CYP39A1: variants seen among roughly 807,000 people sequenced by gnomAD.
CYP39A1 encodes the protein cytochrome P450 family 39 subfamily A member 1, also known as 24-hydroxycholesterol 7-alpha-hydroxylase.
In CYP39A1, 49 loss-of-function variants were observed where a neutral mutation model predicts 58.1. The ratio of observed to expected loss-of-function variants is 0.84; its 90% CI spans 0.67 to 1.07. The LOEUF (loss-of-function observed/expected upper bound fraction) is 1.07, where lower values mean the gene tolerates loss of function less well. CYP39A1 is among the 50% of genes least tolerant of loss of function. CYP39A1 has a pLI of 0.00. For synonymous variants in CYP39A1, 209 were observed against 187.6 expected, an observed-to-expected ratio of 1.11 and a Z score of -0.93; for missense variants, 531 against 539.4, an observed-to-expected ratio of 0.98 and a Z score of 0.16.
At position 46,650,484 on chromosome 6, in the gene CYP39A1, CTTTTTTTTTTTTTTTTTTTTTT is replaced by C. The variant is rs567314746; in HGVS notation, c.177+1900_177+1921del. On this transcript the variant is annotated intron_variant, in intron 1 of 11. Coordinates refer to ENST00000275016, the MANE Select transcript of CYP39A1 (RefSeq NM_016593.5). The stretch of plus-strand genomic sequence containing the variant: ...AAACATCAAATAATGCAGTCATATT[CTTTTTTTTTTTTTTTTTTTTTT>C]TTTTTTTTTTTTTAAGAGACAAGGT... Among the ~76,000 whole-genome samples, 18 of 35,174 alleles carry C rather than the reference CTTTTTTTTTTTTTTTTTTTTTT, an allele frequency of 5.1e-4. 2 individuals are homozygous for C. In the Admixed American group the frequency reaches 5.7e-3, roughly 11 times the overall value. The allele number at this position is 35,174 out of a possible 152,430, so 23.1% of individuals were successfully genotyped here.
intron 7 of CYP39A1, among the ~76,000 whole-genome samples, chr6:46,624,055 A>T (rs190222043): frequency 1.8e-4 from 27 of 152,316 alleles, no homozygotes; most frequent in African/African-American, 6.5e-4. Flanking sequence ...AAAGGTTTTA[A>T]TCTTTCTCCA....
At chr6:46,608,951 G>A (rs1774025400) in intron 7 of CYP39A1, among the ~76,000 whole-genome samples, 1 of 151,996 alleles carries the variant, frequency 6.6e-6, no homozygotes, top group Non-Finnish European at 1.5e-5. Flanking sequence ...TAGATAGCGA[G>A]AATGGGCTGG....
chr6:46,560,732 T>A (rs1196480824), intron 10 of CYP39A1, among the ~76,000 whole-genome samples: 1 of 152,064 alleles, frequency 6.6e-6, no homozygotes, highest in African/African-American at 2.4e-5. Context: ...TTTAAAGCCA[T>A]GGGGCAGTAT....
At chr6:46,629,141 C>G (rs985685565) in intron 6 of CYP39A1, among the ~76,000 whole-genome samples, 3 of 152,106 alleles carry the variant, frequency 2.0e-5, no homozygotes, top group African/African-American at 7.2e-5. Context: ...CTTGGAGGTG[C>G]CAACAAGAGC....
intron 7 of CYP39A1, among the ~76,000 whole-genome samples, chr6:46,602,335 C>G (rs974330685): frequency 1.3e-5 from 2 of 152,112 alleles, no homozygotes; most frequent in African/African-American, 4.8e-5. Flanking sequence ...CTGATATATA[C>G]TAGAGAAGTG....
At chr6:46,591,955 AAT>A (rs1554159084) in intron 8 of CYP39A1, among the ~76,000 whole-genome samples, 2 of 152,182 alleles carry the variant, frequency 1.3e-5, no homozygotes, top group Non-Finnish European at 2.9e-5. Flanking sequence ...TTTAAAGGAT[AAT>A]TAATATTTCT....
Position 46,587,172 on chromosome 6 carries a change from G to A in CYP39A1, c.1162-7C>T. 2 of 1,586,274 alleles carry A rather than the reference G, an allele frequency of 1.3e-6. No individual in the cohort carries two copies. Among genetic ancestry groups the A allele is most frequent in the Non-Finnish European group, 1.7e-6 (2 of 1,158,786 alleles). ...TTGCCTTTTTCCAACGTTCCTGTGG[G>A]AAGAAAACATTTTTTTTTCCAAATC... On this transcript the variant is annotated splice_polypyrimidine_tract_variant and splice_region_variant and intron_variant, in intron 9 of 11. Coordinates refer to ENST00000275016, the MANE Select transcript of CYP39A1 (RefSeq NM_016593.5).
intron 7 of CYP39A1, among the ~76,000 whole-genome samples, chr6:46,608,679 A>G (rs1482782516): frequency 6.6e-6 from 1 of 152,028 alleles, no homozygotes; most frequent in Non-Finnish European, 1.5e-5. Flanking sequence ...CAGTGGCACA[A>G]TCTCGGCTGA....
At chr6:46,630,215 C>T (rs938805745) in intron 6 of CYP39A1, among the ~76,000 whole-genome samples, 4 of 152,080 alleles carry the variant, frequency 2.6e-5, no homozygotes, top group East Asian at 1.9e-4. Flanking sequence ...ACCATTCATG[C>T]GGAAGCTTGT....
chr6:46,628,658 G>A (rs540739324), intron 6 of CYP39A1, among the ~76,000 whole-genome samples: 1 of 152,268 alleles, frequency 6.6e-6, no homozygotes, highest in South Asian at 2.1e-4. Context: ...GGAGAGAGGA[G>A]ATATAGATAT....
chr6:46,627,344 A>G lies in CYP39A1; in HGVS notation c.841-1836T>C, dbSNP rs148648199. 2.3e-3 allele frequency among the ~76,000 whole-genome samples: 348 copies of G among 152,354 alleles called. 2 individuals carry two copies. The highest frequency in any genetic ancestry group is 7.8e-3 in the African/African-American group (323 of 41,596). On this transcript the variant is annotated intron_variant, in intron 6 of 11. Coordinates refer to ENST00000275016, the MANE Select transcript of CYP39A1 (RefSeq NM_016593.5). ...CTAAATATAGCTTTAGAGATTCAAT[A>G]AAATTGGATACTACTTTTTAAATGA... is the stretch of plus-strand genomic sequence containing the variant.
intron 8 of CYP39A1, among the ~76,000 whole-genome samples, chr6:46,593,431 A>G (rs569665878): frequency 2.6e-5 from 4 of 152,262 alleles, no homozygotes; most frequent in East Asian, 1.9e-4. Flanking sequence ...GGTTGTAGTG[A>G]GCTGAGATTG....
intron 1 of CYP39A1, among the ~76,000 whole-genome samples, chr6:46,649,377 T>C (rs1762532478): frequency 2.0e-5 from 3 of 152,332 alleles, no homozygotes; most frequent in East Asian, 1.9e-4. Context: ...TTGTGTTCAT[T>C]AGAGGTGAGT....
chr6:46,647,325 T>C (rs957114298), intron 1 of CYP39A1, among the ~76,000 whole-genome samples: 2 of 152,206 alleles, frequency 1.3e-5, no homozygotes, highest in African/African-American at 4.8e-5. Flanking sequence ...GGTGCAGCTT[T>C]AATAATATAA....
intron 1 of CYP39A1, among the ~76,000 whole-genome samples, chr6:46,651,702 G>T (rs1042301285): frequency 6.6e-6 from 1 of 152,030 alleles, no homozygotes; most frequent in Non-Finnish European, 1.5e-5. Flanking sequence ...TGGAAAATGG[G>T]TCACCACAGA....
At chr6:46,578,210 A>C (rs1448399700) in intron 10 of CYP39A1, among the ~76,000 whole-genome samples, 2 of 152,148 alleles carry the variant, frequency 1.3e-5, no homozygotes, top group African/African-American at 2.4e-5. Flanking sequence ...AAATAAAAAC[A>C]AATACTTGGA....
chr6:46,580,210 A>C (rs957595376), intron 10 of CYP39A1, among the ~76,000 whole-genome samples: 2 of 152,168 alleles, frequency 1.3e-5, no homozygotes, highest in Non-Finnish European at 2.9e-5. Context: ...CACACTTAAA[A>C]ACATCAGATC....
Position 46,550,369 on chromosome 6 carries a change from T to C in CYP39A1, c.1407A>G (p.Ile469Met). The C allele has an allele frequency of 1.2e-6, 2 of 1,612,854 alleles. No homozygotes were observed. The highest frequency in any genetic ancestry group is 1.7e-6 in the Non-Finnish European group (2 of 1,179,452). ...GQCRIEYKQR[I>M] ...TCCTTGTGAGGCCCAACAGATGTCATATTCTTTGTTTATATTCAATTCGGC... is the reference window on the plus strand; with the variant it reads ...TCCTTGTGAGGCCCAACAGATGTCACATTCTTTGTTTATATTCAATTCGGC... The change falls in exon 12 of 12, where the codon ATA becomes ATG. Residue 469 changes from isoleucine to methionine, a missense_variant. Coordinates refer to ENST00000275016, the MANE Select transcript of CYP39A1 (RefSeq NM_016593.5).
At chr6:46,553,061 C>G (rs1028830736) in intron 11 of CYP39A1, among the ~76,000 whole-genome samples, 1 of 102,268 alleles carries the variant, frequency 9.8e-6, no homozygotes, top group Non-Finnish European at 2.0e-5. Context: ...AAATAAAAAA[C>G]AACCCCCCAA....
Sources: allele counts gnomAD v4.1 joint callset (sites outside exome capture counted in the v4.1 genomes callset), GRCh38; gene constraint gnomAD v4.1.1; transcripts MANE v1.5; gene names NCBI Gene and HGNC (gene_info 2026-07-23, HGNC 2026-07-21).